FARP1: variants seen among roughly 807,000 people sequenced by gnomAD.
FARP1 encodes FERM, ARH/RhoGEF and pleckstrin domain protein 1.
In FARP1, 52 loss-of-function variants were observed where a neutral mutation model predicts 128.8. That is an observed-to-expected ratio of 0.40 (90% CI 0.32 to 0.51). The LOEUF (loss-of-function observed/expected upper bound fraction) is 0.51, where lower values mean the gene tolerates loss of function less well. Ranked by LOEUF, FARP1 falls within the 20% of genes least tolerant of loss-of-function variation. The probability of loss-of-function intolerance (pLI) is 0.45; values close to 1 mark genes in which losing one functional copy is unlikely to be tolerated. For missense variants in FARP1, 1,333 were observed against 1,367.9 expected (o/e 0.97, Z 0.40); for synonymous variants, 580 against 551.8 (o/e 1.05, Z -0.72).
In FARP1 at chr13:98,329,096, G is replaced by A. The variant is rs565494621; in HGVS notation, c.172-14666G>A. 5.9e-5 allele frequency: 9 copies of A among 152,302 alleles called. No individual in the cohort carries two copies. The East Asian group carries it at 1.5e-3, about 26-fold the overall frequency. 9.4% of individuals were successfully genotyped at this position (152,302 alleles called of 1,614,324 possible). On this transcript the variant is annotated intron_variant, in intron 2 of 26. Coordinates refer to ENST00000319562, the MANE Select transcript of FARP1 (RefSeq NM_005766.4). ...GCCGCCTGCGGGGTATTGTAGAAAC[G>A]CTGCGCTGCCTATCACAGCTTGTGA...
At chr13:98,343,198 G>A (rs1888043012) in intron 2 of FARP1, among the ~76,000 whole-genome samples, 2 of 152,158 alleles carry the variant, frequency 1.3e-5, no homozygotes, top group Admixed American at 1.3e-4. Context: ...TAGGAGGGAG[G>A]GAGGGAGGAA....
At chr13:98,402,873 A>G (rs1319084617) in intron 13 of FARP1, 1 of 152,236 alleles carries the variant, frequency 6.6e-6, no homozygotes, top group Non-Finnish European at 1.5e-5. Flanking sequence ...AATACACCAA[A>G]TTAATTTGAA....
intron 1 of FARP1, among the ~76,000 whole-genome samples, chr13:98,170,045 T>C (rs1443409949): frequency 6.6e-6 from 1 of 152,208 alleles, no homozygotes. Flanking sequence ...AATAAAACTT[T>C]CAATTATCCA....
chr13:98,385,407 C>A (rs1890056735), intron 7 of FARP1, among the ~76,000 whole-genome samples: 2 of 141,598 alleles, frequency 1.4e-5, no homozygotes, highest in Non-Finnish European at 3.0e-5. Flanking sequence ...CTTTGAGATT[C>A]CAAAAAAAAC....
intron 2 of FARP1, among the ~76,000 whole-genome samples, chr13:98,263,097 C>A (rs1398056716): frequency 6.6e-6 from 1 of 152,094 alleles, no homozygotes; most frequent in Non-Finnish European, 1.5e-5. Flanking sequence ...CAACCTCCAC[C>A]TCCCGGTTTC....
At chr13:98,260,501 C>T (rs1883824316) in intron 2 of FARP1, among the ~76,000 whole-genome samples, 1 of 152,170 alleles carries the variant, frequency 6.6e-6, no homozygotes, top group Non-Finnish European at 1.5e-5. Flanking sequence ...ATCTGAAAGA[C>T]CCAGTCAGTG....
At chr13:98,340,448 A>T (rs1887919430) in intron 2 of FARP1, among the ~76,000 whole-genome samples, 1 of 151,988 alleles carries the variant, frequency 6.6e-6, no homozygotes, top group African/African-American at 2.4e-5. Flanking sequence ...AGGTTCAAGC[A>T]ATTTTCCTGC....
chr13:98,190,020 C>G (rs879528146), intron 1 of FARP1, among the ~76,000 whole-genome samples: 4 of 152,164 alleles, frequency 2.6e-5, no homozygotes, highest in Non-Finnish European at 4.4e-5. Context: ...TTGCCCTTGT[C>G]TTCTGTTCTT....
At chr13:98,439,906 A>G (rs1892451159) in intron 21 of FARP1, 55 bp from the exon 22 acceptor site, 5 of 1,262,012 alleles carry the variant, frequency 4.0e-6, no homozygotes. Flanking sequence ...CAGCTCAGGG[A>G]TGTTTGGAAG....
chr13:98,326,299 T>C (rs1887229858), intron 2 of FARP1, among the ~76,000 whole-genome samples: 1 of 152,258 alleles, frequency 6.6e-6, no homozygotes, highest in African/African-American at 2.4e-5. Context: ...TGCTTTCTTT[T>C]CTTGTTTTAG....
rs954276802 is a variant in FARP1, at chr13:98,271,885, G to A, written c.171+58472G>A. On this transcript the variant is annotated intron_variant, in intron 2 of 26. Transcript: ENST00000319562. The stretch of plus-strand genomic sequence containing the variant: ...AATCTTTGCTATTGTAAATAGTGCT[G>A]CAATAAATGTACGTGTGCATGCTTC... 1.6e-4 allele frequency among the ~76,000 whole-genome samples: 24 copies of A among 152,090 alleles called. 1 individual carries two copies. The highest frequency in any genetic ancestry group is 4.3e-4 in the African/African-American group (18 of 41,398).
At chr13:98,390,979 T>A in intron 11 of FARP1, 99 bp downstream of exon 11, 1 of 805,924 alleles carries the variant, frequency 1.2e-6, no homozygotes, top group Non-Finnish European at 2.1e-6. Flanking sequence ...GACTTCAGAC[T>A]TGATGTCCCT....
rs74803456 is a variant in FARP1, at chr13:98,181,877, A to G, written c.-23-31343A>G. 5.9e-3 allele frequency among the ~76,000 whole-genome samples: 895 copies of G among 152,260 alleles called. 14 individuals are homozygous for G. Among genetic ancestry groups the G allele is most frequent in the African/African-American group, 0.02 (832 of 41,538 alleles). ...TATCACACATGGTATTTAATACTTA[A>G]AGATGTAAAATAAAATAGACTTGAA... On this transcript the variant is annotated intron_variant, in intron 1 of 26. Transcript: ENST00000319562.
Position 98,448,405 on chromosome 13 carries a change from C to A in FARP1, c.*88C>A, listed in dbSNP as rs1892997338. On this transcript the variant is annotated 3_prime_UTR_variant, in exon 27 of 27. Coordinates refer to ENST00000319562, the MANE Select transcript of FARP1 (RefSeq NM_005766.4). ...TTAATGAAGCCTGGTAAAATTAACA[C>A]CTGTCTGAAAATCAAAAACATGGCT... 1.8e-6 allele frequency: 2 copies of A among 1,088,486 alleles called. No individual in the cohort carries two copies. Among genetic ancestry groups the A allele is most frequent in the East Asian group, 2.4e-5 (1 of 41,846 alleles). The allele number at this position is 1,088,486 out of a possible 1,614,324, so 67.4% of individuals were successfully genotyped here. A position where few individuals can be genotyped will look rare whatever the true frequency, so the allele number is the denominator to read the frequency against.
chr13:98,195,028 C>G (rs1477469732), intron 1 of FARP1, among the ~76,000 whole-genome samples: 1 of 152,140 alleles, frequency 6.6e-6, no homozygotes, highest in Admixed American at 6.5e-5. Context: ...GCCATAGGGT[C>G]GTTGTGTAGA....
intron 1 of FARP1, among the ~76,000 whole-genome samples, chr13:98,206,523 C>T (rs565423843): frequency 6.6e-6 from 1 of 152,302 alleles, no homozygotes; most frequent in Admixed American, 6.5e-5. Context: ...CATTTTCCTT[C>T]CCTTCTTTCT....
intron 3 of FARP1, among the ~76,000 whole-genome samples, chr13:98,344,639 G>A (rs11839396): frequency 0.043 from 6,581 of 152,210 alleles, 448 homozygotes; most frequent in African/African-American, 0.15. Context: ...GCTCTGAAAC[G>A]GGATGAGAAC....
intron 23 of FARP1, 121 bp downstream of exon 23, chr13:98,440,356 A>T (rs1165227167): frequency 1.3e-6 from 1 of 765,270 alleles, no homozygotes; most frequent in African/African-American, 1.7e-5. Context: ...TTGTGTTTAA[A>T]GCCAAAGATC....
At chr13:98,233,370 T>C (rs1283893156) in intron 2 of FARP1, among the ~76,000 whole-genome samples, 1 of 151,916 alleles carries the variant, frequency 6.6e-6, no homozygotes, top group Non-Finnish European at 1.5e-5. Context: ...GTGTGCAGAC[T>C]GGGAAGCCAC....
Sources: allele counts gnomAD v4.1 joint callset (sites outside exome capture counted in the v4.1 genomes callset), GRCh38; gene constraint gnomAD v4.1.1; transcripts MANE v1.5; gene names NCBI Gene and HGNC (gene_info 2026-07-23, HGNC 2026-07-21).